SMAD3: variants seen among roughly 807,000 people sequenced by gnomAD.
SMAD3 encodes the protein MAD homolog 3.
SMAD3 carries 12 observed loss-of-function variants against 51.8 expected under a neutral mutation model. The observed-to-expected ratio is 0.23, with a 90% CI of 0.15 to 0.38. The LOEUF (loss-of-function observed/expected upper bound fraction) is 0.38, where lower values mean the gene tolerates loss of function less well. Among genes scored for constraint, SMAD3 ranks in the 10% least tolerant of loss-of-function variants. SMAD3 has a pLI of 1.00. For missense variants in SMAD3, 294 were observed against 565.6 expected, an observed-to-expected ratio of 0.52 and a Z score of 4.87; for synonymous variants, 238 against 227.7, an observed-to-expected ratio of 1.05 and a Z score of -0.41.
At chr15:67,180,985 T>TAAAC (rs979158705) in intron 5 of SMAD3, among the ~76,000 whole-genome samples, 1 of 151,262 alleles carries the variant, frequency 6.6e-6, no homozygotes, top group African/African-American at 2.4e-5. Context: ...AATAAATAAA[T>TAAAC]AAATAAATAA....
intron 1 of SMAD3, chr15:67,137,912 T>C (rs1961706608): frequency 1.4e-6 from 1 of 717,328 alleles, no homozygotes; most frequent in African/African-American, 1.7e-5. Context: ...AGGGCTCTTC[T>C]GTTAGCGACA....
intron 1 of SMAD3, among the ~76,000 whole-genome samples, chr15:67,092,972 CAAT>C (rs1362198579): frequency 6.6e-6 from 1 of 152,146 alleles, no homozygotes; most frequent in Non-Finnish European, 1.5e-5. Flanking sequence ...GTCTGAAAAT[CAAT>C]GATGAACACT....
intron 1 of SMAD3, among the ~76,000 whole-genome samples, chr15:67,139,936 T>A (rs1276564828): frequency 7.1e-6 from 1 of 140,922 alleles, no homozygotes; most frequent in African/African-American, 2.7e-5. Context: ...CTGACCAACA[T>A]GACGAAACCC....
chr15:67,182,659 C>G (rs1455481083), intron 6 of SMAD3, among the ~76,000 whole-genome samples: 1 of 151,848 alleles, frequency 6.6e-6, no homozygotes, highest in African/African-American at 2.4e-5. Flanking sequence ...GGTCTGTGCT[C>G]TCATTTTCTA....
intron 1 of SMAD3, chr15:67,146,284 A>G (rs1451297994): frequency 6.6e-6 from 1 of 152,256 alleles, no homozygotes; most frequent in Admixed American, 6.5e-5. Flanking sequence ...AGAGATACCA[A>G]GTGCCTTGCA....
intron 7 of SMAD3, chr15:67,187,076 T>C: frequency 1.7e-6 from 1 of 588,394 alleles, no homozygotes; most frequent in East Asian, 3.7e-5. Flanking sequence ...TTTGCAGACT[T>C]CTCCCTGCTC....
At chr15:67,125,572 CT>C in intron 1 of SMAD3, 1 of 351,460 alleles carries the variant, frequency 2.8e-6, no homozygotes, top group Non-Finnish European at 4.0e-6. Context: ...GTTATTGGGC[CT>C]TTTCACTTTA....
chr15:67,079,382 C>A (rs1960235682), intron 1 of SMAD3, among the ~76,000 whole-genome samples: 1 of 152,212 alleles, frequency 6.6e-6, no homozygotes, highest in African/African-American at 2.4e-5. Flanking sequence ...CAGATTTCCA[C>A]AGAGACCTTA....
At chr15:67,068,268 G>T (rs573887891) in intron 1 of SMAD3, among the ~76,000 whole-genome samples, 61 of 152,332 alleles carry the variant, frequency 4.0e-4, no homozygotes, top group African/African-American at 1.4e-3. Context: ...TCTTTCTGCT[G>T]CCCCATGCTG....
rs929540904 is a variant in SMAD3, at chr15:67,192,291, C to G, written c.*1755C>G. On this transcript the variant is annotated 3_prime_UTR_variant, in exon 9 of 9. Transcript: ENST00000327367. Reference sequence around the variant, plus strand: ...GTTTCCAGGTAGGACAGCTGCTCCCCAAGCCTCCTGAGGACACAGGAAGAG... The same window carrying G: ...GTTTCCAGGTAGGACAGCTGCTCCCGAAGCCTCCTGAGGACACAGGAAGAG... 4.3e-6 allele frequency: 1 copy of G among 232,848 alleles called. No individual in the cohort carries two copies. Among genetic ancestry groups the G allele is most frequent in the Non-Finnish European group, 8.5e-6 (1 of 117,662 alleles). The allele number at this position is 232,848 out of a possible 1,614,324, so 14.4% of individuals were successfully genotyped here. A position where few individuals can be genotyped will look rare whatever the true frequency, so the allele number is the denominator to read the frequency against.
intron 1 of SMAD3, among the ~76,000 whole-genome samples, chr15:67,095,643 T>G (rs1297017863): frequency 6.6e-6 from 1 of 152,262 alleles, no homozygotes; most frequent in Non-Finnish European, 1.5e-5. Flanking sequence ...GTGATTCTCC[T>G]GCTTCAGCCT....
At chr15:67,153,248 T>G (rs996767403) in intron 1 of SMAD3, among the ~76,000 whole-genome samples, 2 of 151,930 alleles carry the variant, frequency 1.3e-5, no homozygotes, top group African/African-American at 4.8e-5. Flanking sequence ...TCCAAGCACT[T>G]TGGGAGGCTG....
At chr15:67,114,921 A>G (rs922923366) in intron 1 of SMAD3, among the ~76,000 whole-genome samples, 1 of 152,170 alleles carries the variant, frequency 6.6e-6, no homozygotes, top group Admixed American at 6.5e-5. Context: ...AATATGCCAC[A>G]CATGTTGTTA....
intron 1 of SMAD3, chr15:67,138,360 C>G: frequency 4.3e-6 from 2 of 461,126 alleles, no homozygotes; most frequent in Non-Finnish European, 8.0e-6. Context: ...CCTCCCCCGG[C>G]CCCAGGATGG....
intron 4 of SMAD3, among the ~76,000 whole-genome samples, chr15:67,169,312 C>T (rs1962679247): frequency 6.6e-6 from 1 of 151,980 alleles, no homozygotes; most frequent in Non-Finnish European, 1.5e-5. Flanking sequence ...AGGAGAAATC[C>T]GTGGTTCTTC....
At chr15:67,094,630 G>A (rs553462832) in intron 1 of SMAD3, among the ~76,000 whole-genome samples, 1 of 152,326 alleles carries the variant, frequency 6.6e-6, no homozygotes, top group Non-Finnish European at 1.5e-5. Flanking sequence ...GGCCAGGGCC[G>A]AGCTGAAGAT....
Position 67,194,085 on chromosome 15 carries a change from C to T in SMAD3, c.*3549C>T, listed in dbSNP as rs1963439745. On this transcript the variant is annotated 3_prime_UTR_variant, in exon 9 of 9. Coordinates refer to ENST00000327367, the MANE Select transcript of SMAD3 (RefSeq NM_005902.4). Reference sequence around the variant, plus strand: ...GGGGGATACCAGCAGCAAGAGAGTGCACCCGTTTAGCCCTGGACCCTGTTT... The same window carrying T: ...GGGGGATACCAGCAGCAAGAGAGTGTACCCGTTTAGCCCTGGACCCTGTTT... 1 of 233,268 alleles carries T rather than the reference C, an allele frequency of 4.3e-6. No homozygotes were observed. Among genetic ancestry groups the T allele is most frequent in the African/African-American group, 2.2e-5 (1 of 45,348 alleles). The allele number at this position is 233,268 out of a possible 1,614,324, so 14.4% of individuals were successfully genotyped here.
intron 1 of SMAD3, among the ~76,000 whole-genome samples, chr15:67,118,277 G>A (rs925305447): frequency 6.6e-6 from 1 of 152,232 alleles, no homozygotes. Flanking sequence ...GCTGAGAGGA[G>A]ACTGAGAGAA....
chr15:67,068,808 G>T (rs915602471), intron 1 of SMAD3, among the ~76,000 whole-genome samples: 1 of 152,132 alleles, frequency 6.6e-6, no homozygotes, highest in Non-Finnish European at 1.5e-5. Flanking sequence ...GCCACGTCTT[G>T]GGGAGGTGGC....
Sources: gnomAD v4.1 joint callset for allele counts (sites outside exome capture counted in the v4.1 genomes callset) on GRCh38, gnomAD v4.1.1 for gene constraint, MANE v1.5 for transcripts, NCBI Gene and HGNC (gene_info 2026-07-23, HGNC 2026-07-21) for gene names.